The following OPN5 variants were observed in gnomAD, a reference collection of about 807,000 sequenced individuals.
The protein encoded by OPN5 is opsin 5, also known as opsin-5.
A neutral mutation model predicts 41.7 loss-of-function variants in OPN5; 18 were observed. The observed-to-expected ratio is 0.43, with a 90% CI of 0.30 to 0.64. OPN5 has a LOEUF of 0.64. Ranked by LOEUF, OPN5 falls within the 30% of genes least tolerant of loss-of-function variation. OPN5 has a pLI of 0.13. For missense variants in OPN5, 318 were observed against 434.5 expected (o/e 0.73, Z 2.38); for synonymous variants, 178 against 164.3 (o/e 1.08, Z -0.64).
intron 6 of OPN5, among the ~76,000 whole-genome samples, chr6:47,821,940 C>T (rs547600550): frequency 3.6e-4 from 54 of 152,048 alleles, no homozygotes; most frequent in African/African-American, 1.2e-3. Context: ...TGGCAAAACC[C>T]CTCTCTACTA....
chr6:47,799,366 A>C (rs549528211), intron 4 of OPN5, among the ~76,000 whole-genome samples: 2 of 152,258 alleles, frequency 1.3e-5, no homozygotes, highest in African/African-American at 4.8e-5. Flanking sequence ...AATTCAGTGA[A>C]ATCAGTAATT....
chr6:47,823,332 A>G (rs1762691185), intron 6 of OPN5: 1 of 152,286 alleles, frequency 6.6e-6, no homozygotes, highest in Non-Finnish European at 1.5e-5. Flanking sequence ...CAGCTGAGTC[A>G]TACCTGGAAG....
chr6:47,804,999 G>T (rs1773908756), intron 4 of OPN5, among the ~76,000 whole-genome samples: 1 of 152,100 alleles, frequency 6.6e-6, no homozygotes, highest in African/African-American at 2.4e-5. Flanking sequence ...ACAGCTTTTG[G>T]GATACTGTGA....
intron 3 of OPN5, 93 bp from the exon 4 acceptor site, chr6:47,795,136 A>C: frequency 1.0e-6 from 1 of 984,812 alleles, no homozygotes; most frequent in Non-Finnish European, 1.5e-6. Context: ...AATCAATGGA[A>C]TAAATCTTTG....
chr6:47,822,026 C>T (rs770119378), intron 6 of OPN5, among the ~76,000 whole-genome samples: 12 of 151,386 alleles, frequency 7.9e-5, no homozygotes, highest in East Asian at 3.9e-4. Context: ...GCAGGAGAAT[C>T]GCTTGAACCC....
At chr6:47,813,113 C>CAAG (rs1554141429) in intron 6 of OPN5, among the ~76,000 whole-genome samples, 5 of 114,486 alleles carry the variant, frequency 4.4e-5, no homozygotes, top group South Asian at 2.7e-4. Context: ...ACAACAACAA[C>CAAG]AAGCAACAAC....
At chr6:47,824,301 T>G (rs1581769854) in exon 7 of OPN5, 1 of 402,252 alleles carries the variant, frequency 2.5e-6, no homozygotes, top group East Asian at 4.0e-5. Flanking sequence ...TCTTCTGAAC[T>G]GGGGCTTGTG....
exon 7 of OPN5, chr6:47,824,216 C>G (rs1386609967): frequency 8.8e-6 from 5 of 568,500 alleles, no homozygotes; most frequent in Non-Finnish European, 1.6e-5. Context: ...AGAGTTATAA[C>G]TAAAGAGTGC....
chr6:47,820,737 T>C (rs1172878313), intron 6 of OPN5, among the ~76,000 whole-genome samples: 1 of 152,026 alleles, frequency 6.6e-6, no homozygotes, highest in East Asian at 1.9e-4. Flanking sequence ...TATATGAAAA[T>C]AGGTCATGGT....
chr6:47,782,594 C>T (rs1180135913), intron 1 of OPN5, among the ~76,000 whole-genome samples: 1 of 152,116 alleles, frequency 6.6e-6, no homozygotes, highest in African/African-American at 2.4e-5. Context: ...TAAAAATAAT[C>T]TAGGTCAGTC....
At chr6:47,813,203 A>G (rs953154155) in intron 6 of OPN5, among the ~76,000 whole-genome samples, 2 of 152,166 alleles carry the variant, frequency 1.3e-5, no homozygotes, top group Non-Finnish European at 2.9e-5. Flanking sequence ...AGAGGCAAGG[A>G]ACTTTTTAGC....
At chr6:47,813,170 A>C (rs1762312630) in intron 6 of OPN5, among the ~76,000 whole-genome samples, 1 of 152,178 alleles carries the variant, frequency 6.6e-6, no homozygotes, top group Non-Finnish European at 1.5e-5. Flanking sequence ...AGAAAAGAAG[A>C]GGCAGAATTG....
At chr6:47,816,846 A>C (rs915720083) in intron 6 of OPN5, among the ~76,000 whole-genome samples, 1 of 152,134 alleles carries the variant, frequency 6.6e-6, no homozygotes, top group African/African-American at 2.4e-5. Flanking sequence ...AATATAAATT[A>C]AAAGGAAACT....
exon 7 of OPN5, chr6:47,824,451 G>GT (rs922028968): frequency 1.8e-5 from 3 of 164,964 alleles, no homozygotes; most frequent in Non-Finnish European, 4.0e-5. Flanking sequence ...GTGAAAATCT[G>GT]TTTTTATGAC....
At chr6:47,791,877 A>G (rs748559697) in exon 3 of OPN5, 4 of 1,614,012 alleles carry the variant, frequency 2.5e-6, no homozygotes, top group South Asian at 2.2e-5. Flanking sequence ...TGCCGCTGGT[A>G]TGGATGGGCT....
At chr6:47,816,709 A>T (rs957788677) in intron 6 of OPN5, among the ~76,000 whole-genome samples, 21 of 152,082 alleles carry the variant, frequency 1.4e-4, no homozygotes, top group African/African-American at 4.6e-4. Context: ...CTGTGAAGGC[A>T]AATTACTTGA....
intron 6 of OPN5, among the ~76,000 whole-genome samples, chr6:47,821,235 T>A (rs998318926): frequency 6.6e-6 from 1 of 152,218 alleles, no homozygotes; most frequent in Non-Finnish European, 1.5e-5. Context: ...AGTGAATCTG[T>A]GCAATTCAAA....
chr6:47,803,775 C>G (rs542818905), intron 4 of OPN5, among the ~76,000 whole-genome samples: 149 of 152,288 alleles, frequency 9.8e-4, no homozygotes, highest in African/African-American at 3.5e-3. Context: ...GCTCGGCACC[C>G]CCTCTGAAAT....
chr6:47,783,036 T>A (rs1773121863), intron 1 of OPN5, among the ~76,000 whole-genome samples: 1 of 152,004 alleles, frequency 6.6e-6, no homozygotes, highest in African/African-American at 2.4e-5. Flanking sequence ...ATTAATTTAC[T>A]GTAAATTTTA....
Sources: allele counts gnomAD v4.1 joint callset (sites outside exome capture counted in the v4.1 genomes callset), GRCh38; gene constraint gnomAD v4.1.1; transcripts MANE v1.5; gene names NCBI Gene and HGNC (gene_info 2026-07-23, HGNC 2026-07-21).